Variants in AGBL1 observed in about 807,000 individuals in gnomAD.
AGBL1 encodes the protein cytosolic carboxypeptidase 4.
AGBL1 carries 130 observed loss-of-function variants against 118.9 expected under a neutral mutation model. That is an observed-to-expected ratio of 1.09 (90% CI 0.95 to 1.26). AGBL1 has a LOEUF of 1.26. Ranked by LOEUF, AGBL1 falls within the 50% of genes most tolerant of loss-of-function variation. AGBL1 has a pLI of 0.00. For synonymous variants in AGBL1, 555 were observed against 478.9 expected, an observed-to-expected ratio of 1.16 and a Z score of -2.08; for missense variants, 1,584 against 1,298.1, an observed-to-expected ratio of 1.22 and a Z score of -3.38.
chr15:86,373,560 G>A (rs1397803471), intron 17 of AGBL1, among the ~76,000 whole-genome samples: 3 of 152,280 alleles, frequency 2.0e-5, no homozygotes, highest in East Asian at 3.9e-4. Flanking sequence ...GCAGGCCAGT[G>A]GCCAGGAGTC....
chr15:86,329,193 G>A (rs1190678809), intron 17 of AGBL1, among the ~76,000 whole-genome samples: 3 of 152,128 alleles, frequency 2.0e-5, no homozygotes, highest in Admixed American at 2.0e-4. Flanking sequence ...GTTCCCCTGA[G>A]TTCGTGGTCC....
intron 18 of AGBL1, among the ~76,000 whole-genome samples, chr15:86,517,644 C>T (rs555220083): frequency 1.3e-5 from 2 of 152,208 alleles, no homozygotes; most frequent in Non-Finnish European, 2.9e-5. Flanking sequence ...TGTTAGATCT[C>T]TTATCTTCCC....
intron 18 of AGBL1, among the ~76,000 whole-genome samples, chr15:86,514,514 CAG>C: frequency 6.6e-6 from 1 of 152,258 alleles, no homozygotes; most frequent in East Asian, 1.9e-4. Flanking sequence ...TCACTTGTGA[CAG>C]AGTTTATTTA....
chr15:86,879,529 C>A (rs1356917669), intron 22 of AGBL1, among the ~76,000 whole-genome samples: 1 of 152,182 alleles, frequency 6.6e-6, no homozygotes, highest in Non-Finnish European at 1.5e-5. Context: ...TGCCCTCTTG[C>A]TAGTTTCACA....
At chr15:86,549,630 T>C (rs1354939619) in intron 20 of AGBL1, among the ~76,000 whole-genome samples, 1 of 151,908 alleles carries the variant, frequency 6.6e-6, no homozygotes, top group Non-Finnish European at 1.5e-5. Context: ...GAATGTGAAA[T>C]CCACGCTCAG....
chr15:86,606,329 C>T (rs1209527521), intron 21 of AGBL1, among the ~76,000 whole-genome samples: 1 of 151,906 alleles, frequency 6.6e-6, no homozygotes, highest in East Asian at 1.9e-4. Context: ...GTAAATTTGG[C>T]AAGGACACTC....
chr15:86,614,112 T>A lies in AGBL1; in HGVS notation c.2994+59575T>A, dbSNP rs529872076. ...GCTCTGGATAATAGAAGATTCTATC[T>A]GTTTTAACTGTAAGCATCTATTACA... On this transcript the variant is annotated intron_variant, in intron 21 of 22. Coordinates refer to ENST00000614907, the MANE Select transcript of AGBL1 (RefSeq NM_001386094.1). Among the ~76,000 whole-genome samples, 81 of 152,334 alleles carry A rather than the reference T, an allele frequency of 5.3e-4. 1 individual carries two copies. The highest frequency in any genetic ancestry group is 1.9e-3 in the African/African-American group (79 of 41,588).
At position 86,671,715 on chromosome 15, in the gene AGBL1, C is replaced by A. The variant is rs573322157; in HGVS notation, c.2995-2558C>A. ...ACAATGGGAGAACAAGATTTAAAGG[C>A]ACTCACATACCCAAACCCAGAGAAG... On this transcript the variant is annotated intron_variant, in intron 21 of 22. Coordinates refer to ENST00000614907, the MANE Select transcript of AGBL1 (RefSeq NM_001386094.1). 2.5e-4 allele frequency among the ~76,000 whole-genome samples: 38 copies of A among 152,232 alleles called. 1 individual carries two copies. Among genetic ancestry groups the A allele is most frequent in the South Asian group, 2.3e-3 (11 of 4,826 alleles).
intron 19 of AGBL1, among the ~76,000 whole-genome samples, chr15:86,523,503 G>C (rs963133405): frequency 3.3e-5 from 5 of 152,048 alleles, no homozygotes; most frequent in Non-Finnish European, 7.4e-5. Context: ...ACATCTTTTG[G>C]GGGGACACAA....
rs141462734 is a variant in AGBL1, at chr15:86,370,823, T to C, written c.2375-26543T>C. The stretch of plus-strand genomic sequence containing the variant: ...TGAGGGAAGGGATCTGTATATGCCC[T>C]GTTCCATGTAAGAGACTTGTGCATA... On this transcript the variant is annotated intron_variant, in intron 17 of 22. Transcript: ENST00000614907. Among the ~76,000 whole-genome samples, 331 of 152,344 alleles carry C rather than the reference T, an allele frequency of 2.2e-3. 4 individuals carry two copies. The highest frequency in any genetic ancestry group is 7.5e-3 in the African/African-American group (313 of 41,576).
chr15:86,621,671 G>A (rs1487311949), intron 21 of AGBL1, among the ~76,000 whole-genome samples: 1 of 152,178 alleles, frequency 6.6e-6, no homozygotes, highest in Non-Finnish European at 1.5e-5. Flanking sequence ...ACATTTACAG[G>A]AACTGGGATT....
At chr15:86,289,931 C>T (rs2079517602) in intron 16 of AGBL1, among the ~76,000 whole-genome samples, 1 of 152,218 alleles carries the variant, frequency 6.6e-6, no homozygotes, top group Admixed American at 6.5e-5. Context: ...ATCACACCAA[C>T]ATAAGCAATA....
At chr15:86,154,323 T>C (rs2077158515) in intron 3 of AGBL1, 107 bp from the exon 4 acceptor site, 1 of 1,292,100 alleles carries the variant, frequency 7.7e-7, no homozygotes, top group East Asian at 2.6e-5. Flanking sequence ...TGTCTTTGGC[T>C]ATGATTATCC....
intron 6 of AGBL1, among the ~76,000 whole-genome samples, chr15:86,235,294 A>T (rs1392890040): frequency 6.6e-6 from 1 of 152,246 alleles, no homozygotes; most frequent in Non-Finnish European, 1.5e-5. Context: ...CACTCAGAGT[A>T]AGTTATCTAA....
chr15:86,681,160 C>T (rs747251036), intron 22 of AGBL1, among the ~76,000 whole-genome samples: 1 of 152,004 alleles, frequency 6.6e-6, no homozygotes, highest in Non-Finnish European at 1.5e-5. Context: ...TTCTTTAATC[C>T]TTTTTACCTC....
At chr15:86,846,581 G>C (rs1284221266) in intron 22 of AGBL1, among the ~76,000 whole-genome samples, 1 of 152,130 alleles carries the variant, frequency 6.6e-6, no homozygotes, top group Non-Finnish European at 1.5e-5. Context: ...ACCCAGGCTG[G>C]AGTGCAGTGG....
At chr15:86,285,875 T>G (rs894764329) in intron 16 of AGBL1, among the ~76,000 whole-genome samples, 1 of 152,314 alleles carries the variant, frequency 6.6e-6, no homozygotes, top group Admixed American at 6.5e-5. Flanking sequence ...AGTGCTCATG[T>G]GCCCTATGAT....
At chr15:86,466,852 G>C (rs946708938) in intron 18 of AGBL1, among the ~76,000 whole-genome samples, 1 of 152,182 alleles carries the variant, frequency 6.6e-6, no homozygotes, top group Non-Finnish European at 1.5e-5. Flanking sequence ...ATTGCTGCCT[G>C]CTTCTTCCTC....
At chr15:86,590,906 T>C (rs1019280635) in intron 21 of AGBL1, among the ~76,000 whole-genome samples, 2 of 152,212 alleles carry the variant, frequency 1.3e-5, no homozygotes, top group African/African-American at 2.4e-5. Context: ...TACAATGAAA[T>C]GACCAAATGA....
Sources: allele counts gnomAD v4.1 joint callset (sites outside exome capture counted in the v4.1 genomes callset), GRCh38; gene constraint gnomAD v4.1.1; transcripts MANE v1.5; gene names NCBI Gene and HGNC (gene_info 2026-07-23, HGNC 2026-07-21).